Variants in CRIM1 observed in about 807,000 individuals in gnomAD.
CRIM1 encodes the protein cysteine rich transmembrane BMP regulator 1.
A neutral mutation model predicts 116.4 loss-of-function variants in CRIM1; 32 were observed. That is an observed-to-expected ratio of 0.27 (90% CI 0.21 to 0.37). The LOEUF is 0.37. Among genes scored for constraint, CRIM1 ranks in the 10% least tolerant of loss-of-function variants. CRIM1 has a pLI of 1.00. For missense variants in CRIM1, 1,331 were observed against 1,354.8 expected (o/e 0.98, Z 0.28); for synonymous variants, 590 against 509.2 (o/e 1.16, Z -2.13).
rs760357974 is a variant in CRIM1, at chr2:36,499,351, A to G, written c.1501+4A>G. On this transcript the variant is annotated splice_donor_region_variant and intron_variant, in intron 8 of 16. Coordinates refer to ENST00000280527, the MANE Select transcript of CRIM1 (RefSeq NM_016441.3). ...CGGACCTGTCAGTGCATAAACAGTG[A>G]GTAGACAGAAGACTGTATGTTTTTT... 3 of 1,613,820 alleles carry G rather than the reference A, an allele frequency of 1.9e-6. No individual in the cohort carries two copies. Among genetic ancestry groups the G allele is most frequent in the Non-Finnish European group, 2.5e-6 (3 of 1,179,818 alleles).
chr2:36,362,557 A>G (rs1669297302), intron 1 of CRIM1, among the ~76,000 whole-genome samples: 1 of 152,196 alleles, frequency 6.6e-6, no homozygotes, highest in South Asian at 2.1e-4. Flanking sequence ...CGTGGGCAGT[A>G]AACTGGGAGG....
chr2:36,472,472 A>G (rs760317984), intron 5 of CRIM1, among the ~76,000 whole-genome samples: 16 of 151,568 alleles, frequency 1.1e-4, no homozygotes, highest in African/African-American at 2.4e-5. Flanking sequence ...TCTCACTTCC[A>G]CTCCCTTGAT....
At chr2:36,395,838 G>A (rs1671986261) in intron 1 of CRIM1, among the ~76,000 whole-genome samples, 1 of 152,134 alleles carries the variant, frequency 6.6e-6, no homozygotes, top group African/African-American at 2.4e-5. Context: ...TCTTTTGGTG[G>A]TGTCTGATTT....
At chr2:36,366,201 T>C (rs1669593673) in intron 1 of CRIM1, among the ~76,000 whole-genome samples, 1 of 151,880 alleles carries the variant, frequency 6.6e-6, no homozygotes, top group South Asian at 2.1e-4. Flanking sequence ...GGTTTACAAC[T>C]TTTTTTTTCC....
intron 1 of CRIM1, among the ~76,000 whole-genome samples, chr2:36,391,118 ATTTTTTTTTTT>A (rs57108558): frequency 1.0e-4 from 7 of 67,238 alleles, no homozygotes; most frequent in South Asian, 6.6e-4. Context: ...CCAACTTTTG[ATTTTTTTTTTT>A]TTTTTTTTTT....
Position 36,396,763 on chromosome 2 carries a change from C to T in CRIM1, c.481C>T (p.Leu161Phe). The T allele has an allele frequency of 6.2e-7, 1 of 1,612,014 alleles. No homozygotes were observed. Among genetic ancestry groups the T allele is most frequent in the Non-Finnish European group, 8.5e-7 (1 of 1,178,428 alleles). The change falls in exon 2 of 17, where the codon CTT (leucine) becomes TTT (phenylalanine). Residue 161 changes from leucine to phenylalanine, a missense_variant. Transcript: ENST00000280527. The part of the protein sequence containing the change: ...PFEFPSQDMC[L>F]SALKRIEEEK... Reference sequence around the variant, plus strand: ...TGAGTTTCCAAGTCAGGATATGTGCCTTTCAGCTTTAAAGAGAATTGAAGG... The same window carrying T: ...TGAGTTTCCAAGTCAGGATATGTGCTTTTCAGCTTTAAAGAGAATTGAAGG...
intron 14 of CRIM1, among the ~76,000 whole-genome samples, chr2:36,542,132 A>C (rs1344731604): frequency 6.6e-6 from 1 of 152,090 alleles, no homozygotes; most frequent in Non-Finnish European, 1.5e-5. Flanking sequence ...TGAGTGGTGG[A>C]GTGAGCTAAT....
At chr2:36,383,959 A>G (rs549805104) in intron 1 of CRIM1, among the ~76,000 whole-genome samples, 13 of 152,344 alleles carry the variant, frequency 8.5e-5, no homozygotes, top group South Asian at 8.3e-4. Flanking sequence ...ACAGCAGTGA[A>G]CGAGACAAAA....
Position 36,503,052 on chromosome 2 carries a change from C to T in CRIM1, c.1501+3705C>T, listed in dbSNP as rs183569991. Among the ~76,000 whole-genome samples the T allele has an allele frequency of 9.6e-4, 147 of 152,344 alleles. 1 individual carries two copies. Among genetic ancestry groups the T allele is most frequent in the Non-Finnish European group, 4.4e-5 (3 of 68,036 alleles). On this transcript the variant is annotated intron_variant, in intron 8 of 16. Transcript: ENST00000280527. ...TACAGAAGTCTAGACATACAGCATTCTGCTGTCACCTCCCCCATTCGTATT... is the reference window on the plus strand; with the variant it reads ...TACAGAAGTCTAGACATACAGCATTTTGCTGTCACCTCCCCCATTCGTATT...
chr2:36,363,653 A>G (rs1269500754), intron 1 of CRIM1, among the ~76,000 whole-genome samples: 1 of 150,896 alleles, frequency 6.6e-6, no homozygotes, highest in Non-Finnish European at 1.5e-5. Context: ...TATAAATGTA[A>G]CCATTTATCT....
intron 2 of CRIM1, among the ~76,000 whole-genome samples, chr2:36,402,702 C>T (rs944207814): frequency 6.7e-6 from 1 of 149,512 alleles, no homozygotes; most frequent in Non-Finnish European, 1.5e-5. Context: ...TACCTGAGAG[C>T]TGGAGATGAA....
In CRIM1 at chr2:36,548,548, A is replaced by C. The variant is rs867530130; in HGVS notation, c.2958A>C (p.Leu986=). 15 of 1,584,916 alleles carry C rather than the reference A, an allele frequency of 9.5e-6. No homozygotes were observed. The highest frequency in any genetic ancestry group is 3.4e-4 in the Middle Eastern group (2 of 5,908). The change falls in exon 17 of 17, where the codon CTA becomes CTC. Residue 986 remains leucine, a synonymous_variant. Transcript: ENST00000280527. ...AGCCTTCTTCCTTAAATAATCAGCT[A>C]GTATCTGTGGACTGCAAGAAAGGAA... ...PTKPSSLNNQ[L]VSVDCKKGTR...
chr2:36,476,798 T>C (rs1679005901), intron 5 of CRIM1, 91 bp from the exon 6 acceptor site: 2 of 1,042,734 alleles, frequency 1.9e-6, no homozygotes, highest in Admixed American at 2.3e-5. Context: ...AACCTCCTAT[T>C]AGAAATTTTC....
chr2:36,464,034 T>C (rs1273791541), intron 4 of CRIM1, among the ~76,000 whole-genome samples: 1 of 152,058 alleles, frequency 6.6e-6, no homozygotes, highest in Non-Finnish European at 1.5e-5. Flanking sequence ...AAGAAAATAC[T>C]AAAAAGCTAA....
At chr2:36,417,027 G>C (rs2124836978) in intron 2 of CRIM1, among the ~76,000 whole-genome samples, 1 of 152,302 alleles carries the variant, frequency 6.6e-6, no homozygotes, top group East Asian at 1.9e-4. Flanking sequence ...AGATGTTTCA[G>C]CAGGTAACAG....
intron 13 of CRIM1, among the ~76,000 whole-genome samples, chr2:36,525,989 CAT>C (rs1665730445): frequency 6.6e-6 from 1 of 152,146 alleles, no homozygotes; most frequent in Non-Finnish European, 1.5e-5. Flanking sequence ...TCGAGGGCCT[CAT>C]ATTATGTGTG....
rs140003030 is a variant in CRIM1, at chr2:36,432,538, C to G, written c.506-8720C>G. 4.5e-3 allele frequency among the ~76,000 whole-genome samples: 681 copies of G among 152,272 alleles called. 5 individuals are homozygous for G. Among genetic ancestry groups the G allele is most frequent in the African/African-American group, 0.016 (649 of 41,550 alleles). On this transcript the variant is annotated intron_variant, in intron 2 of 16. Transcript: ENST00000280527. ...AACAGGCCACATTTGGCATCCGGCT[C>G]TCCCACTCCCCAGTCCTTCCACCCC...
rs1667661414 is a variant in CRIM1 at position 36,550,144 on chromosome 2, A to G, written c.*1443A>G. 6.6e-6 allele frequency: 1 copy of G among 151,852 alleles called. No individual in the cohort carries two copies. Among genetic ancestry groups the G allele is most frequent in the South Asian group, 2.1e-4 (1 of 4,812 alleles). 9.4% of individuals were successfully genotyped at this position (151,852 alleles called of 1,614,324 possible). ...GTATTCCTTTATTAAAATCTTCCTC[A>G]TTTGGATTTGCTTTCAGTTGGTTTT... On this transcript the variant is annotated 3_prime_UTR_variant, in exon 17 of 17. Coordinates refer to ENST00000280527, the MANE Select transcript of CRIM1 (RefSeq NM_016441.3).
intron 4 of CRIM1, among the ~76,000 whole-genome samples, chr2:36,447,413 G>A (rs1053794233): frequency 5.9e-5 from 9 of 151,988 alleles, no homozygotes; most frequent in Non-Finnish European, 1.0e-4. Context: ...TGTAACAACC[G>A]CCCCAAAAGA....
Sources: allele counts gnomAD v4.1 joint callset (sites outside exome capture counted in the v4.1 genomes callset), GRCh38; gene constraint gnomAD v4.1.1; transcripts MANE v1.5; gene names NCBI Gene and HGNC (gene_info 2026-07-23, HGNC 2026-07-21).